The following PTPRR variants were observed in gnomAD, a reference collection of about 807,000 sequenced individuals.
PTPRR encodes the protein protein tyrosine phosphatase receptor type R.
Under a neutral mutation model 77.2 loss-of-function variants are expected in PTPRR, and 38 were observed. The ratio of observed to expected loss-of-function variants is 0.49; its 90% confidence interval spans 0.38 to 0.65. The LOEUF (loss-of-function observed/expected upper bound fraction) is 0.65, where lower values mean the gene tolerates loss of function less well. Ranked by LOEUF, PTPRR falls within the 30% of genes least tolerant of loss-of-function variation. The pLI is 0.00. For synonymous variants in PTPRR, 299 were observed against 283.1 expected, an observed-to-expected ratio of 1.06 and a Z score of -0.57; for missense variants, 744 against 799.2, an observed-to-expected ratio of 0.93 and a Z score of 0.83.
intron 2 of PTPRR, among the ~76,000 whole-genome samples, chr12:70,819,071 G>T (rs762386910): frequency 6.6e-6 from 1 of 151,948 alleles, no homozygotes; most frequent in East Asian, 1.9e-4. Flanking sequence ...CTGTAATCCC[G>T]GCATTTTGGG....
intron 8 of PTPRR, among the ~76,000 whole-genome samples, chr12:70,696,809 G>A (rs1192135781): frequency 1.3e-5 from 2 of 152,188 alleles, no homozygotes; most frequent in East Asian, 3.9e-4. Flanking sequence ...GATATTTTCT[G>A]TCTGTATAGA....
intron 6 of PTPRR, 63 bp from the exon 7 acceptor site, chr12:70,701,386 C>G (rs1888420025): frequency 6.8e-7 from 1 of 1,464,272 alleles, no homozygotes; most frequent in Admixed American, 1.8e-5. Context: ...AAAAACTTGT[C>G]TTTCTGTACA....
intron 4 of PTPRR, among the ~76,000 whole-genome samples, chr12:70,760,591 C>G (rs1314448018): frequency 6.6e-6 from 1 of 152,118 alleles, no homozygotes; most frequent in Non-Finnish European, 1.5e-5. Context: ...GCCAGGCATT[C>G]AAGACCAGCC....
At chr12:70,822,996 C>T (rs931358444) in intron 2 of PTPRR, among the ~76,000 whole-genome samples, 4 of 151,728 alleles carry the variant, frequency 2.6e-5, no homozygotes, top group Admixed American at 2.6e-4. Flanking sequence ...TGAAACCAAA[C>T]ATTTTGGGGG....
At chr12:70,645,332 A>G (rs532501497) in intron 13 of PTPRR, among the ~76,000 whole-genome samples, 12 of 152,338 alleles carry the variant, frequency 7.9e-5, no homozygotes, top group Admixed American at 7.8e-4. Flanking sequence ...TACAAGGTTT[A>G]AATGAGAGAA....
intron 13 of PTPRR, among the ~76,000 whole-genome samples, chr12:70,654,264 G>A (rs1168506592): frequency 6.6e-6 from 1 of 151,774 alleles, no homozygotes; most frequent in Non-Finnish European, 1.5e-5. Context: ...AAGCATATTT[G>A]TTGAAAAAAA....
intron 2 of PTPRR, among the ~76,000 whole-genome samples, chr12:70,832,189 G>C (rs1044064125): frequency 5.3e-5 from 8 of 152,156 alleles, no homozygotes; most frequent in African/African-American, 1.9e-4. Context: ...GTGAGCTTTT[G>C]CATTTCTCTG....
chr12:70,721,356 C>T (rs756562629), intron 6 of PTPRR, among the ~76,000 whole-genome samples: 18 of 152,100 alleles, frequency 1.2e-4, no homozygotes, highest in Non-Finnish European at 2.5e-4. Flanking sequence ...TGAGGGGCAC[C>T]GCTATTGTGA....
At chr12:70,720,073 T>C (rs1441388341) in intron 6 of PTPRR, among the ~76,000 whole-genome samples, 1 of 152,232 alleles carries the variant, frequency 6.6e-6, no homozygotes, top group African/African-American at 2.4e-5. Flanking sequence ...GCTGAAGAGA[T>C]TATTTTATTT....
intron 13 of PTPRR, among the ~76,000 whole-genome samples, chr12:70,640,349 T>C (rs1221391239): frequency 1.3e-5 from 2 of 151,998 alleles, no homozygotes; most frequent in African/African-American, 2.4e-5. Flanking sequence ...TTAAATTTTT[T>C]TTTTCTTGTA....
chr12:70,916,687 T>C (rs895065688), intron 1 of PTPRR, among the ~76,000 whole-genome samples: 1 of 152,086 alleles, frequency 6.6e-6, no homozygotes, highest in African/African-American at 2.4e-5. Flanking sequence ...ATCATTTACC[T>C]GTTAGTCTAT....
intron 2 of PTPRR, among the ~76,000 whole-genome samples, chr12:70,843,724 T>C (rs1892435370): frequency 6.6e-6 from 1 of 152,092 alleles, no homozygotes; most frequent in Non-Finnish European, 1.5e-5. Context: ...ATGACTAATA[T>C]GATTACCAAA....
intron 1 of PTPRR, among the ~76,000 whole-genome samples, chr12:70,897,211 C>G (rs1421551457): frequency 6.6e-6 from 1 of 151,944 alleles, no homozygotes; most frequent in African/African-American, 2.4e-5. Flanking sequence ...TCAGAGTGAA[C>G]AGGCAACCTA....
chr12:70,911,335 A>G (rs1893696049), intron 1 of PTPRR, among the ~76,000 whole-genome samples: 1 of 152,170 alleles, frequency 6.6e-6, no homozygotes, highest in Non-Finnish European at 1.5e-5. Context: ...TGGGAAGCCT[A>G]TAGACCTATG....
intron 5 of PTPRR, among the ~76,000 whole-genome samples, chr12:70,749,215 G>A (rs896060421): frequency 6.6e-6 from 1 of 152,096 alleles, no homozygotes; most frequent in Admixed American, 6.6e-5. Flanking sequence ...GAAAACAAAT[G>A]GAATTATGGT....
intron 1 of PTPRR, among the ~76,000 whole-genome samples, chr12:70,906,190 G>A (rs542678714): frequency 3.0e-4 from 45 of 152,028 alleles, no homozygotes; most frequent in Admixed American, 8.5e-4. Flanking sequence ...CTCTCTTCTC[G>A]TCTGTGTTAG....
At chr12:70,896,211 A>C (rs187933219) in intron 1 of PTPRR, among the ~76,000 whole-genome samples, 120 of 151,834 alleles carry the variant, frequency 7.9e-4, no homozygotes, top group African/African-American at 2.6e-3. Context: ...ATGCATCAAA[A>C]ATGAGCTTAA....
At chr12:70,701,091 G>A (rs541823746) in intron 7 of PTPRR, 46 bp downstream of exon 7, 3 of 1,595,716 alleles carry the variant, frequency 1.9e-6, no homozygotes, top group Non-Finnish European at 2.6e-6. Context: ...AGTGCCCCAT[G>A]TATCAAAATA....
At chr12:70,702,136 G>A (rs1020182324) in intron 6 of PTPRR, among the ~76,000 whole-genome samples, 1 of 152,142 alleles carries the variant, frequency 6.6e-6, no homozygotes, top group Non-Finnish European at 1.5e-5. Context: ...CTTAAAATGA[G>A]TTACAATTTA....
Sources: gnomAD v4.1 joint callset for allele counts (sites outside exome capture counted in the v4.1 genomes callset) on GRCh38, gnomAD v4.1.1 for gene constraint, MANE v1.5 for transcripts, NCBI Gene and HGNC (gene_info 2026-07-23, HGNC 2026-07-21) for gene names.